GAS2: variants seen among roughly 807,000 people sequenced by gnomAD.
GAS2 encodes growth arrest specific 2.
In GAS2, 20 loss-of-function variants were observed where a neutral mutation model predicts 37.5. The observed-to-expected ratio is 0.53, with a 90% confidence interval of 0.37 to 0.77. The LOEUF is 0.77. Among genes scored for constraint, GAS2 ranks in the 30% least tolerant of loss-of-function variants. The pLI, the probability that GAS2 is intolerant of heterozygous loss-of-function variation, is 0.00. For synonymous variants in GAS2, 144 were observed against 132.2 expected (o/e 1.09, Z -0.61); for missense variants, 336 against 373.4 (o/e 0.90, Z 0.82).
chr11:22,757,107 A>C (rs1202335719), intron 7 of GAS2, among the ~76,000 whole-genome samples: 1 of 152,110 alleles, frequency 6.6e-6, no homozygotes, highest in Non-Finnish European at 1.5e-5. Context: ...TTAAACAGTT[A>C]TTCCTTTTTG....
At chr11:22,766,895 C>G (rs1004482527) in intron 7 of GAS2, among the ~76,000 whole-genome samples, 27 of 152,042 alleles carry the variant, frequency 1.8e-4, no homozygotes, top group African/African-American at 6.0e-4. Context: ...TATGGTATGG[C>G]AGAGAGATGA....
At chr11:22,737,388 A>G (rs1455666158) in intron 4 of GAS2, among the ~76,000 whole-genome samples, 1 of 152,176 alleles carries the variant, frequency 6.6e-6, no homozygotes, top group Non-Finnish European at 1.5e-5. Context: ...TAGGCATCCA[A>G]TATTGATGTA....
chr11:22,734,627 G>T (rs1852654748), intron 4 of GAS2, among the ~76,000 whole-genome samples: 1 of 151,422 alleles, frequency 6.6e-6, no homozygotes, highest in African/African-American at 2.4e-5. Flanking sequence ...ACTATCATTG[G>T]GCTGTTATTT....
intron 5 of GAS2, among the ~76,000 whole-genome samples, chr11:22,748,354 G>T (rs989617956): frequency 1.3e-4 from 20 of 151,860 alleles, no homozygotes; most frequent in African/African-American, 4.1e-4. Context: ...CCCCACCTAG[G>T]TACAGTTGAT....
At chr11:22,637,148 ATTAC>A (rs1353011981) in intron 1 of GAS2, among the ~76,000 whole-genome samples, 1 of 119,072 alleles carries the variant, frequency 8.4e-6, no homozygotes, top group Non-Finnish European at 1.7e-5. Flanking sequence ...ATATCAATAT[ATTAC>A]TTATGTTAAT....
intron 1 of GAS2, among the ~76,000 whole-genome samples, chr11:22,635,438 C>A (rs964551761): frequency 6.6e-6 from 1 of 152,206 alleles, no homozygotes; most frequent in African/African-American, 2.4e-5. Flanking sequence ...CTTGTTAAGG[C>A]ACATCTCACA....
intron 4 of GAS2, among the ~76,000 whole-genome samples, chr11:22,733,526 A>C (rs923112832): frequency 1.3e-5 from 2 of 151,720 alleles, no homozygotes; most frequent in Non-Finnish European, 3.0e-5. Flanking sequence ...TATTTAACTA[A>C]ACTATACATT....
At position 22,706,197 on chromosome 11, in the gene GAS2, A is replaced by G. The variant is rs556185154; in HGVS notation, c.268-20095A>G. On this transcript the variant is annotated intron_variant, in intron 3 of 7. Coordinates refer to ENST00000454584, the MANE Select transcript of GAS2 (RefSeq NM_001143830.3). ...TAAAATGACAACATTAGCAGTGTAG[A>G]GAATGGATTGGAAAGGAGAAGTGAA... Among the ~76,000 whole-genome samples the G allele has an allele frequency of 3.5e-4, 53 of 152,278 alleles. 1 individual carries two copies. Among genetic ancestry groups the G allele is most frequent in the African/African-American group, 1.2e-3 (51 of 41,570 alleles).
chr11:22,673,458 A>G (rs1849285920), intron 1 of GAS2, among the ~76,000 whole-genome samples: 1 of 152,196 alleles, frequency 6.6e-6, no homozygotes, highest in Non-Finnish European at 1.5e-5. Context: ...AAGTATTTTC[A>G]TTTTCATTGT....
At chr11:22,688,075 A>C (rs191785583) in intron 3 of GAS2, among the ~76,000 whole-genome samples, 24 of 152,342 alleles carry the variant, frequency 1.6e-4, no homozygotes, top group Admixed American at 3.9e-4. Flanking sequence ...TCAATGTAAG[A>C]TAACCCTAAA....
upstream of GAS2, among the ~76,000 whole-genome samples, chr11:22,664,715 C>G (rs1250303084): frequency 1.3e-5 from 2 of 151,888 alleles, no homozygotes; most frequent in Non-Finnish European, 2.9e-5. Flanking sequence ...TTATCTTTGA[C>G]AAATATATCA....
At chr11:22,712,591 C>A (rs2134089405) in intron 3 of GAS2, among the ~76,000 whole-genome samples, 1 of 152,206 alleles carries the variant, frequency 6.6e-6, no homozygotes, top group Middle Eastern at 3.4e-3. Context: ...AACATTCTAC[C>A]TAAATGAGAA....
intron 7 of GAS2, among the ~76,000 whole-genome samples, chr11:22,791,073 G>A (rs1856135221): frequency 6.6e-6 from 1 of 152,130 alleles, no homozygotes; most frequent in Non-Finnish European, 1.5e-5. Context: ...AAAAAGAATA[G>A]ATTAGGCAAG....
chr11:22,763,356 G>A (rs12294032), intron 7 of GAS2, among the ~76,000 whole-genome samples: 1 of 152,216 alleles, frequency 6.6e-6, no homozygotes, highest in South Asian at 2.1e-4. Context: ...CTTGCTCTAA[G>A]GAAAGGTCCA....
intron 5 of GAS2, 23 bp from the exon 6 acceptor site, chr11:22,749,097 A>G (rs922199292): frequency 6.3e-7 from 1 of 1,596,528 alleles, no homozygotes; most frequent in African/African-American, 1.4e-5. Context: ...ATGCATATGT[A>G]ATGATCCAGG....
Position 22,726,323 on chromosome 11 carries a change from C to A in GAS2, c.299C>A (p.Thr100Asn). ...NLPLKKIPCK[T>N]SAPSGSFFAR... is the part of the protein sequence containing the mutation. Reference sequence around the variant, plus strand: ...CCGTTGAAGAAGATCCCATGCAAAACCAGTGCACCCTCGGGCTCCTTTTTT... The same window carrying A: ...CCGTTGAAGAAGATCCCATGCAAAAACAGTGCACCCTCGGGCTCCTTTTTT... The change falls in exon 4 of 8, where the codon ACC becomes AAC. Residue 100 changes from threonine to asparagine, a missense_variant. Transcript: ENST00000454584. 3 of 1,610,656 alleles carry A rather than the reference C, an allele frequency of 1.9e-6. No homozygotes were observed. Among genetic ancestry groups the A allele is most frequent in the Non-Finnish European group, 2.5e-6 (3 of 1,178,944 alleles).
At chr11:22,676,859 T>C (rs1368311515) in intron 2 of GAS2, among the ~76,000 whole-genome samples, 1 of 152,198 alleles carries the variant, frequency 6.6e-6, no homozygotes, top group East Asian at 1.9e-4. Context: ...AAGTGTCTTA[T>C]TGCACTGTGT....
At chr11:22,802,186 T>A (rs1856690821) in intron 7 of GAS2, among the ~76,000 whole-genome samples, 1 of 152,010 alleles carries the variant, frequency 6.6e-6, no homozygotes, top group Non-Finnish European at 1.5e-5. Flanking sequence ...CCAACCATCA[T>A]TCTGAGCAAA....
chr11:22,651,680 C>T (rs1047019432), intron 1 of GAS2, among the ~76,000 whole-genome samples: 6 of 152,294 alleles, frequency 3.9e-5, no homozygotes, highest in South Asian at 2.1e-4. Flanking sequence ...CATCTTACAT[C>T]GCTGATACCC....
Sources: gnomAD v4.1 joint callset for allele counts (sites outside exome capture counted in the v4.1 genomes callset) on GRCh38, gnomAD v4.1.1 for gene constraint, MANE v1.5 for transcripts, NCBI Gene and HGNC (gene_info 2026-07-23, HGNC 2026-07-21) for gene names.